WFS1: variants seen among roughly 807,000 people sequenced by gnomAD.
The protein encoded by WFS1 is wolframin.
A neutral mutation model predicts 68.5 loss-of-function variants in WFS1; 90 were observed. The ratio of observed to expected loss-of-function variants is 1.31; its 90% CI spans 1.11 to 1.56. The LOEUF (loss-of-function observed/expected upper bound fraction) is 1.56, where lower values mean the gene tolerates loss of function less well. Among genes scored for constraint, WFS1 ranks in the 40% most tolerant of loss-of-function variants. WFS1 has a pLI of 0.00. For missense variants in WFS1, 1,767 were observed against 1,232.6 expected (o/e 1.43, Z -6.49); for synonymous variants, 860 against 540.7 (o/e 1.59, Z -8.19).
Position 6,301,530 on chromosome 4 carries a change from C to T in WFS1, c.1735C>T (p.Leu579=). The change falls in exon 8 of 8, where the codon CTG becomes TTG. Residue 579 remains leucine, a synonymous_variant. Transcript: ENST00000226760. ...ALPILVAGLA[L]VGVLQFARWF... is the part of the protein sequence containing the mutation. ...CCCCATCCTGGTGGCCGGCCTGGCC[C>T]TGGTGGGCGTGCTGCAGTTCGCCCG... 6.2e-7 allele frequency: 1 copy of T among 1,613,958 alleles called. No homozygotes were observed. Among genetic ancestry groups the T allele is most frequent in the Non-Finnish European group, 8.5e-7 (1 of 1,180,040 alleles).
intron 7 of WFS1, among the ~76,000 whole-genome samples, chr4:6,296,182 A>G (rs1420099848): frequency 6.6e-6 from 1 of 152,150 alleles, no homozygotes; most frequent in Non-Finnish European, 1.5e-5. Context: ...ACCGTCCTCG[A>G]GCCAGGGAGA....
intron 7 of WFS1, among the ~76,000 whole-genome samples, chr4:6,299,082 C>T (rs1055455815): frequency 1.3e-5 from 2 of 152,258 alleles, no homozygotes; most frequent in African/African-American, 2.4e-5. Flanking sequence ...TTGTATGCCA[C>T]GCCATGCTGT....
chr4:6,281,184 C>T (rs542629086), intron 2 of WFS1, among the ~76,000 whole-genome samples: 1 of 152,248 alleles, frequency 6.6e-6, no homozygotes, highest in South Asian at 2.1e-4. Flanking sequence ...CCAGGAAGCA[C>T]CCACCAATGC....
chr4:6,297,203 T>C (rs1730660983), intron 7 of WFS1, among the ~76,000 whole-genome samples: 1 of 152,192 alleles, frequency 6.6e-6, no homozygotes, highest in Admixed American at 6.5e-5. Context: ...CCCTTTAGTT[T>C]TGGATGCTGT....
chr4:6,292,067 T>C (rs1310198365), intron 6 of WFS1, 70 bp downstream of exon 6: 5 of 1,471,302 alleles, frequency 3.4e-6, no homozygotes, highest in East Asian at 2.5e-5. Context: ...CTCTCCTTCC[T>C]GTGCGACTCC....
rs758204456 is a variant in WFS1, at chr4:6,301,991, C to A, written c.2196C>A (p.Arg732=). 1.2e-6 allele frequency: 2 copies of A among 1,612,778 alleles called. No individual in the cohort carries two copies. Among genetic ancestry groups the A allele is most frequent in the South Asian group, 2.2e-5 (2 of 91,068 alleles). ...MLPFFIGDWM[R]CLYGEAYPAC... Reference sequence around the variant, plus strand: ...CGTTCTTCATCGGCGACTGGATGCGCTGCCTCTACGGCGAGGCCTACCCTG... The same window carrying A: ...CGTTCTTCATCGGCGACTGGATGCGATGCCTCTACGGCGAGGCCTACCCTG... Residue 732 remains arginine (R), a synonymous_variant, in exon 8 of 8, where the codon CGC becomes CGA. Transcript: ENST00000226760.
rs376473310 is a variant in WFS1, at chr4:6,296,763, G to A, written c.861+1574G>A. Among the ~76,000 whole-genome samples the A allele has an allele frequency of 3.9e-4, 59 of 152,344 alleles. 1 individual carries two copies. In the East Asian group the frequency reaches 6.2e-3, roughly 16 times the overall value. On this transcript the variant is annotated intron_variant, in intron 7 of 7. Transcript: ENST00000226760. ...GCCTCCTTGCATATGCGTCCTGTTCGGAAAATTATGTCACCTAGTTATGGA... is the reference window on the plus strand; with the variant it reads ...GCCTCCTTGCATATGCGTCCTGTTCAGAAAATTATGTCACCTAGTTATGGA...
In WFS1 at chr4:6,302,679, G is replaced by A. The variant is rs1183517616; in HGVS notation, c.*211G>A. ...GTCCACTCTGAATACCAAGTGTGTT[G>A]GGAATTGCATGCCATCTCCACCCTG... On this transcript the variant is annotated 3_prime_UTR_variant, in exon 8 of 8. Transcript: ENST00000226760. 1.4e-6 allele frequency: 1 copy of A among 700,070 alleles called. No individual in the cohort carries two copies. The highest frequency in any genetic ancestry group is 2.3e-6 in the Non-Finnish European group (1 of 427,166). The allele number at this position is 700,070 out of a possible 1,614,324, so 43.4% of individuals were successfully genotyped here. A position where few individuals can be genotyped will look rare whatever the true frequency, so the allele number is the denominator to read the frequency against.
chr4:6,292,087 T>G, intron 6 of WFS1, 90 bp downstream of exon 6: 1 of 1,360,400 alleles, frequency 7.4e-7, no homozygotes, highest in Non-Finnish European at 1.0e-6. Context: ...CATCCTGGCC[T>G]GCCCTATCTC....
In WFS1 at chr4:6,301,362, A is replaced by G. The variant is rs1421586061; in HGVS notation, c.1567A>G (p.Asn523Asp). The G allele has an allele frequency of 2.5e-6, 4 of 1,612,372 alleles. No individual in the cohort carries two copies. The African/African-American group carries it at 5.3e-5, about 22-fold the overall frequency. ...YLFFRMAQLR[N>D]FKGTYCYLVP... ...CTTCTTCCGCATGGCACAGCTGAGG[A>G]ATTTCAAGGGCACCTACTGCTACCT... Residue 523 changes from asparagine to aspartate, a missense_variant, in exon 8 of 8, where the codon AAT becomes GAT. Asn to Asp is a conservative substitution (Grantham distance 23, BLOSUM62 1). Transcript: ENST00000226760.
chr4:6,291,783 C>T, intron 5 of WFS1, 134 bp from the exon 6 acceptor site: 1 of 939,566 alleles, frequency 1.1e-6, no homozygotes, highest in Non-Finnish European at 1.7e-6. Flanking sequence ...GCCCTGGGGG[C>T]CCTATGATCC....
intron 2 of WFS1, among the ~76,000 whole-genome samples, chr4:6,282,019 C>A (rs909795552): frequency 6.6e-6 from 1 of 152,208 alleles, no homozygotes; most frequent in Non-Finnish European, 1.5e-5. Context: ...CATGGGTGGA[C>A]GTGCTCGTTC....
At chr4:6,293,178 C>T (rs1229727205) in intron 6 of WFS1, among the ~76,000 whole-genome samples, 2 of 152,158 alleles carry the variant, frequency 1.3e-5, no homozygotes, top group Non-Finnish European at 1.5e-5. Context: ...TCCTGGGGGG[C>T]ACTGCAGGCA....
intron 6 of WFS1, among the ~76,000 whole-genome samples, chr4:6,292,925 C>A (rs951844931): frequency 6.6e-6 from 1 of 152,242 alleles, no homozygotes; most frequent in Admixed American, 6.5e-5. Flanking sequence ...AGGAAACCGT[C>A]CATAGGGTGT....
chr4:6,289,779 C>T (rs1252960013), intron 4 of WFS1, among the ~76,000 whole-genome samples: 4 of 152,182 alleles, frequency 2.6e-5, no homozygotes, highest in Admixed American at 2.6e-4. Context: ...GTGGGTGTCA[C>T]AAAGGTGTTT....
At chr4:6,291,486 G>A (rs551434305) in intron 5 of WFS1, 119 bp downstream of exon 5, 7 of 1,371,640 alleles carry the variant, frequency 5.1e-6, no homozygotes, top group Non-Finnish European at 7.0e-6. Flanking sequence ...CACAGGAGCC[G>A]GGACCTTCCC....
At chr4:6,294,856 C>T (rs911902322) in intron 6 of WFS1, 185 bp from the exon 7 acceptor site, 2 of 929,096 alleles carry the variant, frequency 2.2e-6, no homozygotes, top group African/African-American at 1.6e-5. Context: ...AACCTGCCCC[C>T]TTCCTCCTCA....
In WFS1 at chr4:6,301,452, G is replaced by C. The variant is rs150840308; in HGVS notation, c.1657G>C (p.Gly553Arg). The C allele has an allele frequency of 6.2e-7, 1 of 1,612,514 alleles. No individual in the cohort carries two copies. Among genetic ancestry groups the C allele is most frequent in the African/African-American group, 1.3e-5 (1 of 75,062 alleles). The change falls in exon 8 of 8, where the codon GGC (glycine) becomes CGC (arginine). Residue 553 changes from glycine (G) to arginine (R), a missense_variant. Coordinates refer to ENST00000226760, the MANE Select transcript of WFS1 (RefSeq NM_006005.3). ...LSVVILLEST[G>R]LGLLRASIGY... ...CGTGGTCATCCTGCTGGAGTCCACCGGCCTGGGGCTGCTCCGCGCCTCCAT... is the reference window on the plus strand; with the variant it reads ...CGTGGTCATCCTGCTGGAGTCCACCCGCCTGGGGCTGCTCCGCGCCTCCAT...
chr4:6,284,847 T>A (rs1730266363), intron 2 of WFS1, among the ~76,000 whole-genome samples: 1 of 150,072 alleles, frequency 6.7e-6, no homozygotes. Flanking sequence ...TGCGTCTGTG[T>A]CATTGTGATC....
Sources: allele counts gnomAD v4.1 joint callset (sites outside exome capture counted in the v4.1 genomes callset), GRCh38; gene constraint gnomAD v4.1.1; transcripts MANE v1.5; gene names NCBI Gene and HGNC (gene_info 2026-07-23, HGNC 2026-07-21).